The following AQR variants were observed in gnomAD, a reference collection of about 807,000 sequenced individuals.
The protein encoded by AQR is RNA helicase aquarius.
A neutral mutation model predicts 180.5 loss-of-function variants in AQR; 61 were observed. The observed-to-expected ratio is 0.34, with a 90% CI of 0.28 to 0.42. AQR has a LOEUF of 0.42. AQR is among the 10% of genes least tolerant of loss of function. The pLI is 1.00. For missense variants in AQR, 1,281 were observed against 1,798.3 expected, an observed-to-expected ratio of 0.71 and a Z score of 5.20; for synonymous variants, 551 against 588.8, an observed-to-expected ratio of 0.94 and a Z score of 0.93.
At chr15:34,919,687 A>C (rs1001655434) in intron 14 of AQR, among the ~76,000 whole-genome samples, 1 of 152,166 alleles carries the variant, frequency 6.6e-6, no homozygotes, top group African/African-American at 2.4e-5. Flanking sequence ...ACTTGAGGCC[A>C]GGAGTTCAAG....
chr15:34,928,718 T>G (rs1893804357), intron 12 of AQR, among the ~76,000 whole-genome samples: 1 of 152,236 alleles, frequency 6.6e-6, no homozygotes, highest in African/African-American at 2.4e-5. Context: ...ATGGGATTGC[T>G]GGGTCAAATG....
chr15:34,862,861 T>A lies in AQR; in HGVS notation c.4029+6A>T, dbSNP rs1184179588. The A allele has an allele frequency of 6.2e-7, 1 of 1,612,968 alleles. No individual in the cohort carries two copies. ...CTGTTTTATAAAATGAAGAAAGAAGTCCTACCTTTCTAGTAGTTGGGAAAG... is the reference window on the plus strand; with the variant it reads ...CTGTTTTATAAAATGAAGAAAGAAGACCTACCTTTCTAGTAGTTGGGAAAG... On this transcript the variant is annotated splice_donor_region_variant and intron_variant, in intron 33 of 34. Coordinates refer to ENST00000156471, the MANE Select transcript of AQR (RefSeq NM_014691.3).
intron 31 of AQR, chr15:34,869,489 C>CATT (rs1377511081): frequency 6.6e-6 from 1 of 152,170 alleles, no homozygotes; most frequent in Non-Finnish European, 1.5e-5. Context: ...CACATGCTGA[C>CATT]ATTAGCAGGG....
chr15:34,954,435 A>G (rs776702687), intron 3 of AQR, among the ~76,000 whole-genome samples: 1 of 152,012 alleles, frequency 6.6e-6, no homozygotes, highest in Non-Finnish European at 1.5e-5. Flanking sequence ...CCTCTCAAGT[A>G]GCTGAGACTA....
At chr15:34,887,639 C>G (rs1893083190) in intron 24 of AQR, among the ~76,000 whole-genome samples, 1 of 152,154 alleles carries the variant, frequency 6.6e-6, no homozygotes, top group Non-Finnish European at 1.5e-5. Flanking sequence ...ACCACAACAA[C>G]AAAGGGTCTC....
intron 5 of AQR, among the ~76,000 whole-genome samples, chr15:34,945,391 C>T (rs954573847): frequency 6.6e-6 from 1 of 152,184 alleles, no homozygotes; most frequent in Non-Finnish European, 1.5e-5. Context: ...TTGAAAATAA[C>T]ACCCTTTCCT....
At chr15:34,887,127 A>T (rs1170617798) in intron 24 of AQR, among the ~76,000 whole-genome samples, 1 of 151,944 alleles carries the variant, frequency 6.6e-6, no homozygotes, top group Non-Finnish European at 1.5e-5. Flanking sequence ...TCCGTCTCAA[A>T]AAAAAAAAAG....
intron 31 of AQR, chr15:34,868,366 A>G (rs1196616036): frequency 6.6e-6 from 1 of 151,978 alleles, no homozygotes; most frequent in Non-Finnish European, 1.5e-5. Context: ...AAAAAAGTGT[A>G]TGTACAAATA....
Position 34,897,547 on chromosome 15 carries a change from T to C in AQR, c.2390+12A>G. 6.2e-7 allele frequency: 1 copy of C among 1,612,956 alleles called. No individual in the cohort carries two copies. The highest frequency in any genetic ancestry group is 8.5e-7 in the Non-Finnish European group (1 of 1,179,036). ...TGTTCATCATTACAATTATAATAGG[T>C]AGTAAAATTACCGTTTGGGTTGATT... On this transcript the variant is annotated intron_variant, in intron 21 of 34. Coordinates refer to ENST00000156471, the MANE Select transcript of AQR (RefSeq NM_014691.3).
rs780915951 is a variant in AQR at position 34,904,422 on chromosome 15, T to C, written c.1915A>G (p.Thr639Ala). Residue 639 changes from threonine to alanine, a missense_variant, in exon 19 of 35, where the codon ACC becomes GCC. Transcript: ENST00000156471. The part of the protein sequence containing the change: ...LDPNQYQQDM[T>A]NTIQNGAEDV... ...TCTGCTCCATTTTGTATAGTATTGG[T>C]CATATCTTGTTGATACTGGTTTGGA... The C allele has an allele frequency of 2.8e-5, 45 of 1,611,650 alleles. No homozygotes were observed. Among genetic ancestry groups the C allele is most frequent in the Non-Finnish European group, 3.6e-5 (43 of 1,178,288 alleles).
chr15:34,862,237 A>G (rs1892679673), intron 33 of AQR, among the ~76,000 whole-genome samples: 1 of 152,106 alleles, frequency 6.6e-6, no homozygotes, highest in South Asian at 2.1e-4. Flanking sequence ...TTATTGCTCT[A>G]TTTCCAAGTA....
chr15:34,860,407 A>G lies in AQR; in HGVS notation c.4030-252T>C, dbSNP rs1049410447. ...TCTGCCTGCTGGCCACGTGACTCCC[A>G]TTAAAAAAAAAAAAAGACTTCATGA... is the stretch of plus-strand genomic sequence containing the variant. On this transcript the variant is annotated intron_variant, in intron 33 of 34. Coordinates refer to ENST00000156471, the MANE Select transcript of AQR (RefSeq NM_014691.3). Among the ~76,000 whole-genome samples, 25 of 151,848 alleles carry G rather than the reference A, an allele frequency of 1.6e-4. No individual in the cohort carries two copies. The South Asian group carries it at 3.8e-3, about 23-fold the overall frequency.
chr15:34,856,292 T>G lies in AQR; in HGVS notation c.*500A>C, dbSNP rs74009747. 1 of 353,824 alleles carries G rather than the reference T, an allele frequency of 2.8e-6. No individual in the cohort carries two copies. The highest frequency in any genetic ancestry group is 5.0e-6 in the Non-Finnish European group (1 of 199,496). 21.9% of individuals were successfully genotyped at this position (353,824 alleles called of 1,614,324 possible). The stretch of plus-strand genomic sequence containing the variant: ...AAATGCATGTAACCACTTTGATAGA[T>G]TGAAGAAACCTGTATCTTACTGCTA... On this transcript the variant is annotated 3_prime_UTR_variant, in exon 35 of 35. Coordinates refer to ENST00000156471, the MANE Select transcript of AQR (RefSeq NM_014691.3).
chr15:34,893,607 GCACACACACACACACACACACACACA>G (rs386382691), intron 23 of AQR, 30 bp downstream of exon 23: 3 of 999,682 alleles, frequency 3.0e-6, no homozygotes, highest in Admixed American at 2.2e-5. Context: ...GCGCATGCGT[GCACACACACACACACACACACACACA>G]CACACACACA....
At chr15:34,917,211 G>A (rs1186019024) in intron 15 of AQR, among the ~76,000 whole-genome samples, 1 of 152,170 alleles carries the variant, frequency 6.6e-6, no homozygotes, top group Non-Finnish European at 1.5e-5. Context: ...CAATATTAGT[G>A]CACTGGGTCT....
chr15:34,876,528 T>C (rs1892891626), intron 27 of AQR, among the ~76,000 whole-genome samples: 1 of 152,146 alleles, frequency 6.6e-6, no homozygotes, highest in Admixed American at 6.5e-5. Context: ...TATTCATTTT[T>C]CTTTATTTCT....
intron 5 of AQR, among the ~76,000 whole-genome samples, chr15:34,947,067 AAG>A (rs1014456305): frequency 2.6e-4 from 39 of 152,232 alleles, no homozygotes; most frequent in African/African-American, 8.4e-4. Context: ...GTAGAATAGA[AAG>A]AGGGGAAAGG....
At chr15:34,867,296 C>G (rs1892749351) in intron 32 of AQR, among the ~76,000 whole-genome samples, 1 of 151,974 alleles carries the variant, frequency 6.6e-6, no homozygotes, top group Non-Finnish European at 1.5e-5. Context: ...CTGAGGGTTA[C>G]TAAAGGGTAA....
chr15:34,944,490 C>T, intron 5 of AQR, 62 bp from the exon 6 acceptor site: 1 of 1,478,654 alleles, frequency 6.8e-7, no homozygotes, highest in South Asian at 1.4e-5. Flanking sequence ...TTTAAAGAAG[C>T]CCTAGTAGGC....
Sources: gnomAD v4.1 joint callset for allele counts (sites outside exome capture counted in the v4.1 genomes callset) on GRCh38, gnomAD v4.1.1 for gene constraint, MANE v1.5 for transcripts, NCBI Gene and HGNC (gene_info 2026-07-23, HGNC 2026-07-21) for gene names.